The following LRP2 variants were observed in gnomAD, a reference collection of about 807,000 sequenced individuals.
LRP2 encodes the protein LDL receptor related protein 2.
In LRP2, 172 loss-of-function variants were observed where a neutral mutation model predicts 531.0. That is an observed-to-expected ratio of 0.32 (90% CI 0.29 to 0.37). The LOEUF (loss-of-function observed/expected upper bound fraction) is 0.37. Among genes scored for constraint, LRP2 ranks in the 10% least tolerant of loss-of-function variants. The pLI, the probability that LRP2 is intolerant of heterozygous loss-of-function variation, is 1.00. For synonymous variants in LRP2, 1,992 were observed against 2,027.6 expected (o/e 0.98, Z 0.47); for missense variants, 5,167 against 5,868.3 (o/e 0.88, Z 3.90).
Position 169,176,508 on chromosome 2 carries a change from C to G in LRP2, c.10474G>C (p.Glu3492Gln). ...AGGGTGCGGAAGTCATCTGGACACT[C>G]GCAAGTGAACCCTTTTCCTCCTGGC... Reference protein sequence around the residue: ...IKPGGKGFTCECPDDFRTLQL... With the variant: ...IKPGGKGFTCQCPDDFRTLQL... Residue 3492 changes from glutamate to glutamine, a missense_variant, in exon 54 of 79, where the codon GAG becomes CAG. Glu to Gln is a conservative substitution (Grantham distance 29). This residue lies in a region of LRP2 where 1,129 missense variants were observed against 1,362.7 expected (regional missense o/e 0.83). Transcript: ENST00000649046. The G allele has an allele frequency of 1.2e-5, 20 of 1,614,176 alleles. No homozygotes were observed. The highest frequency in any genetic ancestry group is 1.7e-5 in the Non-Finnish European group (20 of 1,180,034).
chr2:169,246,830 G>C lies in LRP2; in HGVS notation c.3065C>G (p.Pro1022Arg). Residue 1022 changes from proline to arginine, a missense_variant, in exon 21 of 79, where the codon CCC becomes CGC. Pro to Arg is a moderately radical substitution (Grantham distance 103). Coordinates refer to ENST00000649046, the MANE Select transcript of LRP2 (RefSeq NM_004525.3). Reference protein sequence around the residue: ...TCEGDPTNEPPTEQCGLFSFP... With the variant: ...TCEGDPTNEPRTEQCGLFSFP... The stretch of plus-strand genomic sequence containing the variant: ...GGAAAATAAGCCACACTGCTCTGTG[G>C]GTGGTTCATTGGTTGGGTCCCCCTC... 2 of 1,614,150 alleles carry C rather than the reference G, an allele frequency of 1.2e-6. No homozygotes were observed. Among genetic ancestry groups the C allele is most frequent in the South Asian group, 1.1e-5 (1 of 91,074 alleles).
At chr2:169,165,784 C>T in intron 62 of LRP2, 148 bp downstream of exon 62, 1 of 955,458 alleles carries the variant, frequency 1.0e-6, no homozygotes, top group Non-Finnish European at 1.7e-6. Context: ...CATGTGTTTG[C>T]ATGGTCTTGT....
chr2:169,243,092 G>T lies in LRP2; in HGVS notation c.3551-20C>A, dbSNP rs756347758. 1.9e-6 allele frequency: 3 copies of T among 1,567,810 alleles called. No individual in the cohort carries two copies. The highest frequency in any genetic ancestry group is 2.6e-6 in the Non-Finnish European group (3 of 1,137,964). On this transcript the variant is annotated intron_variant, in intron 23 of 78. Coordinates refer to ENST00000649046, the MANE Select transcript of LRP2 (RefSeq NM_004525.3). ...TTAATACTAAGAATGAAAGAGAAAA[G>T]CATTAGAAATTAGCTCAGGGCTAAA...
intron 16 of LRP2, among the ~76,000 whole-genome samples, chr2:169,267,126 G>T (rs1227675705): frequency 6.6e-6 from 1 of 151,532 alleles, no homozygotes; most frequent in South Asian, 2.1e-4. Flanking sequence ...CCGGCCTCAA[G>T]CAATCCTCCC....
intron 9 of LRP2, among the ~76,000 whole-genome samples, chr2:169,286,084 C>T (rs746238720): frequency 6.6e-6 from 1 of 152,088 alleles, no homozygotes; most frequent in Non-Finnish European, 1.5e-5. Context: ...GGTTTCCTAA[C>T]GTCATGTATT....
chr2:169,208,059 C>G (rs541377291), intron 38 of LRP2, among the ~76,000 whole-genome samples: 2 of 152,182 alleles, frequency 1.3e-5, no homozygotes, highest in Non-Finnish European at 2.9e-5. Context: ...TATGCATTTG[C>G]TCATTTCCAA....
intron 1 of LRP2, among the ~76,000 whole-genome samples, chr2:169,342,904 G>T (rs1028145901): frequency 6.6e-6 from 1 of 152,174 alleles, no homozygotes; most frequent in African/African-American, 2.4e-5. Flanking sequence ...TGACCTTTCT[G>T]TAGTTTCATG....
chr2:169,265,324 C>T (rs562166336), intron 16 of LRP2, among the ~76,000 whole-genome samples: 18 of 152,168 alleles, frequency 1.2e-4, no homozygotes, highest in African/African-American at 4.3e-4. Flanking sequence ...AGCCACCTTC[C>T]TGCCTGAAGC....
chr2:169,179,511 G>T (rs1040376983), intron 52 of LRP2, among the ~76,000 whole-genome samples: 1 of 151,914 alleles, frequency 6.6e-6, no homozygotes, highest in Admixed American at 6.6e-5. Flanking sequence ...ACCTGAGGTC[G>T]GGAGTTCGAG....
chr2:169,141,972 T>C (rs1327400711), intron 71 of LRP2, among the ~76,000 whole-genome samples: 1 of 152,010 alleles, frequency 6.6e-6, no homozygotes, highest in Non-Finnish European at 1.5e-5. Context: ...TGGTAGAAGG[T>C]GGTTAAGCGT....
intron 56 of LRP2, among the ~76,000 whole-genome samples, chr2:169,173,698 G>T (rs1231083375): frequency 6.6e-6 from 1 of 152,182 alleles, no homozygotes; most frequent in Admixed American, 6.5e-5. Flanking sequence ...GACATTCTAT[G>T]TATCAAAAGG....
At position 169,156,259 on chromosome 2, in the gene LRP2, A is replaced by G. The variant is rs995921005; in HGVS notation, c.12151+15T>C. ...TCCCCAAAAGTCAATTAATCCCAAC[A>G]TGAACCCATCATACCCTCAGCTGCA... On this transcript the variant is annotated intron_variant, in intron 65 of 78. Transcript: ENST00000649046. The G allele has an allele frequency of 6.2e-7, 1 of 1,613,390 alleles. No homozygotes were observed. Among genetic ancestry groups the G allele is most frequent in the Non-Finnish European group, 8.5e-7 (1 of 1,179,524 alleles).
chr2:169,160,685 A>AAAAAAAAAAAAAAAAAAAAAAAAAAAAC (rs970862922), intron 63 of LRP2, among the ~76,000 whole-genome samples: 5 of 94,276 alleles, frequency 5.3e-5, no homozygotes, highest in South Asian at 7.1e-4. Flanking sequence ...ATTTCCTTAA[A>AAAAAAAAAAAAAAAAAAAAAAAAAAAAC]AAAAAAAAAA....
intron 15 of LRP2, among the ~76,000 whole-genome samples, chr2:169,272,246 G>A (rs756378699): frequency 3.9e-5 from 6 of 152,106 alleles, no homozygotes; most frequent in Non-Finnish European, 5.9e-5. Flanking sequence ...ATCATTAGCT[G>A]GGGCCCAGGC....
In LRP2 at chr2:169,338,230, GAGGGA is replaced by G. The variant is rs567070063; in HGVS notation, c.80-17351_80-17347del. Among the ~76,000 whole-genome samples the G allele has an allele frequency of 8.0e-3, 1,168 of 146,718 alleles. 7 individuals are homozygous for G. Among genetic ancestry groups the G allele is most frequent in the Non-Finnish European group, 0.011 (741 of 66,662 alleles). On this transcript the variant is annotated intron_variant, in intron 1 of 78. Transcript: ENST00000649046. ...GAAAAGAAAGGAAGAAGGAAGGAAG[GAGGGA>G]AGGGAAGGGAAGGGAGAAAGAAAAA...
Position 169,152,805 on chromosome 2 carries a change from A to G in LRP2, c.12455T>C (p.Val4152Ala). 6.2e-7 allele frequency: 1 copy of G among 1,613,906 alleles called. No homozygotes were observed. The highest frequency in any genetic ancestry group is 8.5e-7 in the Non-Finnish European group (1 of 1,179,856). ...MQPDGIAVDW[V>A]GRHIYWSDVK... ...GAATGTATGGCAAATTTACCTTCCA[A>G]CCCAGTCCACTGCTATTCCATCTGG... Residue 4152 changes from valine to alanine, a missense_variant, in exon 67 of 79, where the codon GTT (valine) becomes GCT (alanine). Physicochemically the swap from Val to Ala is moderately conservative, Grantham distance 64. Around this residue, in one of 6 missense-constraint regions of LRP2, gnomAD observed 564 missense variants for 747.7 expected, o/e 0.75. Coordinates refer to ENST00000649046, the MANE Select transcript of LRP2 (RefSeq NM_004525.3).
Position 169,177,860 on chromosome 2 carries a change from T to A in LRP2, c.10336A>T (p.Asn3446Tyr). Residue 3446 changes from asparagine to tyrosine, a missense_variant, in exon 53 of 79, where the codon AAC becomes TAC. Asn to Tyr is a moderately radical substitution (Grantham distance 143, BLOSUM62 -2). This residue lies in a region of LRP2 where 1,129 missense variants were observed against 1,362.7 expected (regional missense o/e 0.83). Coordinates refer to ENST00000649046, the MANE Select transcript of LRP2 (RefSeq NM_004525.3). ...ATGTCAAATGGTCTGTGTGTTGTGTTCACCAGTGTCTGTCTATTTGATCCA... is the reference window on the plus strand; with the variant it reads ...ATGTCAAATGGTCTGTGTGTTGTGTACACCAGTGTCTGTCTATTTGATCCA... ...YDGSNRQTLVNTTHRPFDIHV... is the reference protein window; with the variant it reads ...YDGSNRQTLVYTTHRPFDIHV... 6.2e-7 allele frequency: 1 copy of A among 1,614,256 alleles called. No homozygotes were observed. Among genetic ancestry groups the A allele is most frequent in the South Asian group, 1.1e-5 (1 of 91,088 alleles).
At chr2:169,330,859 A>G (rs996454057) in intron 1 of LRP2, among the ~76,000 whole-genome samples, 1 of 152,194 alleles carries the variant, frequency 6.6e-6, no homozygotes, top group African/African-American at 2.4e-5. Context: ...ATCTAAAAAA[A>G]AAAAACATAA....
At chr2:169,177,775 T>C in intron 53 of LRP2, 28 bp downstream of exon 53, 1 of 1,600,196 alleles carries the variant, frequency 6.2e-7, no homozygotes, top group Non-Finnish European at 8.6e-7. Context: ...CAAGGCAACC[T>C]TGCCAAACCC....
Sources: gnomAD v4.1 joint callset for allele counts (sites outside exome capture counted in the v4.1 genomes callset) on GRCh38, gnomAD v4.1.1 for gene constraint, gnomAD v4.1.1 regional missense constraint, MANE v1.5 for transcripts, NCBI Gene and HGNC (gene_info 2026-07-23, HGNC 2026-07-21) for gene names.